Variants in NHLH2 observed in about 807,000 individuals in gnomAD.
The protein encoded by NHLH2 is nescient helix-loop-helix 2.
In NHLH2, 7 loss-of-function variants were observed where a neutral mutation model predicts 7.3. The observed-to-expected ratio is 0.96, with a 90% CI of 0.55 to 1.81. The LOEUF (loss-of-function observed/expected upper bound fraction) is 1.81, where lower values mean the gene tolerates loss of function less well. Ranked by LOEUF, NHLH2 falls within the 40% of genes most tolerant of loss-of-function variation. The pLI is 0.00. For missense variants in NHLH2, 155 were observed against 194.0 expected (o/e 0.80, Z 1.19); for synonymous variants, 93 against 91.6 (o/e 1.01, Z -0.09).
chr1:115,837,689 T>C lies in NHLH2; in HGVS notation c.*276A>G, dbSNP rs977897334. 1 of 452,632 alleles carries C rather than the reference T, an allele frequency of 2.2e-6. No individual in the cohort carries two copies. Among genetic ancestry groups the C allele is most frequent in the Non-Finnish European group, 3.9e-6 (1 of 256,818 alleles). The allele number at this position is 452,632 out of a possible 1,614,324, so 28.0% of individuals were successfully genotyped here. ...ACCCTTGGGGAGCCCCAGAAGTGGC[T>C]CATCTCGGGTGTCTCCACGAGGTTC... is the stretch of plus-strand genomic sequence containing the variant. On this transcript the variant is annotated 3_prime_UTR_variant, in exon 3 of 3. Coordinates refer to ENST00000320238, the MANE Select transcript of NHLH2 (RefSeq NM_005599.3).
downstream of NHLH2, among the ~76,000 whole-genome samples, chr1:115,831,718 C>T (rs1650756734): frequency 6.6e-6 from 1 of 151,842 alleles, no homozygotes; most frequent in African/African-American, 2.4e-5. Flanking sequence ...GTCAGGAGTT[C>T]AAGACCAGCC....
At chr1:115,835,961 G>A (rs1245278165), downstream of NHLH2, among the ~76,000 whole-genome samples, 5 of 152,114 alleles carry the variant, frequency 3.3e-5, no homozygotes, top group Non-Finnish European at 7.4e-5. Flanking sequence ...AGGATTGAGA[G>A]TCATCACATC....
At chr1:115,838,521 C>G in intron 2 of NHLH2, 141 bp from the exon 3 acceptor site, 2 of 904,744 alleles carry the variant, frequency 2.2e-6, no homozygotes, top group Admixed American at 2.7e-5. Context: ...GCGCGCGACG[C>G]GGGAGGGCGC....
At chr1:115,834,779 T>C (rs909881809), downstream of NHLH2, among the ~76,000 whole-genome samples, 20 of 152,338 alleles carry the variant, frequency 1.3e-4, no homozygotes, top group South Asian at 1.2e-3. Flanking sequence ...TTTTCTCCAG[T>C]AGACTTTGTC....
chr1:115,838,456 C>A (rs1650949181), intron 2 of NHLH2, 76 bp from the exon 3 acceptor site: 1 of 1,498,822 alleles, frequency 6.7e-7, no homozygotes, highest in East Asian at 2.5e-5. Context: ...CGAGGCCTAC[C>A]ACGCCGGTCC....
chr1:115,840,654 C>T (rs1016677765), intron 1 of NHLH2, 110 bp from the exon 2 acceptor site: 1 of 166,678 alleles, frequency 6.0e-6, no homozygotes, highest in Admixed American at 6.5e-5. Flanking sequence ...AGATAAGATT[C>T]CGCTCCTATC....
Position 115,837,176 on chromosome 1 carries a change from A to G in NHLH2, c.*789T>C, listed in dbSNP as rs1650895055. On this transcript the variant is annotated 3_prime_UTR_variant, in exon 3 of 3. Transcript: ENST00000320238. ...AGGTTGTCTTTTTCTAACTGCACCT[A>G]TGGGTCCACATGTTTAAGGTCACAA... is the stretch of plus-strand genomic sequence containing the variant. The G allele has an allele frequency of 6.6e-6, 1 of 152,610 alleles. No homozygotes were observed. The highest frequency in any genetic ancestry group is 1.5e-5 in the Non-Finnish European group (1 of 68,038). 9.5% of individuals were successfully genotyped at this position (152,610 alleles called of 1,614,324 possible).
rs1230872861 is a variant in NHLH2 at position 115,838,207 on chromosome 1, G to A, written c.166C>T (p.Leu56Phe). 1 of 1,560,048 alleles carries A rather than the reference G, an allele frequency of 6.4e-7. No homozygotes were observed. Among genetic ancestry groups the A allele is most frequent in the Non-Finnish European group, 8.7e-7 (1 of 1,154,684 alleles). The change falls in exon 3 of 3, where the codon CTC (leucine) becomes TTC (phenylalanine). Residue 56 changes from leucine (L) to phenylalanine (F), a missense_variant. This residue lies in a region of NHLH2 where 91 missense variants were observed against 86.6 expected (regional missense o/e 1.05). Coordinates refer to ENST00000320238, the MANE Select transcript of NHLH2 (RefSeq NM_005599.3). ...CTCAGCTGCTGCGGGTGCGGGTAGA[G>A]CGCGGCTCGGCTGCCGCCCTTGCCG... ...GDGKGGSRAA[L>F]YPHPQQLSRE...
chr1:115,832,618 T>C (rs944326172), downstream of NHLH2, among the ~76,000 whole-genome samples: 1 of 152,206 alleles, frequency 6.6e-6, no homozygotes, highest in East Asian at 1.9e-4. Flanking sequence ...TATAGTAACA[T>C]GTTCAATGTC....
downstream of NHLH2, among the ~76,000 whole-genome samples, chr1:115,831,924 CAA>C (rs34137281): frequency 0.014 from 1,862 of 137,186 alleles, 22 homozygotes; most frequent in Middle Eastern, 0.031. Flanking sequence ...GACTTGGTCT[CAA>C]AAAAAAAAAA....
chr1:115,838,782 C>G, intron 2 of NHLH2: 1 of 195,820 alleles, frequency 5.1e-6, no homozygotes. Flanking sequence ...CCCGGACAAA[C>G]GAGCGATTTC....
At chr1:115,839,793 A>C (rs1053157994) in intron 2 of NHLH2, 4 of 167,024 alleles carry the variant, frequency 2.4e-5, no homozygotes, top group African/African-American at 9.6e-5. Context: ...GGTTCCCAGC[A>C]CCGCACTTGC....
downstream of NHLH2, among the ~76,000 whole-genome samples, chr1:115,834,668 C>T (rs946614615): frequency 6.6e-6 from 1 of 152,150 alleles, no homozygotes; most frequent in Admixed American, 6.5e-5. Flanking sequence ...ACCAGCACGT[C>T]CAGCCCCCAT....
At chr1:115,834,037 G>A (rs988542385), downstream of NHLH2, among the ~76,000 whole-genome samples, 4 of 152,150 alleles carry the variant, frequency 2.6e-5, no homozygotes, top group South Asian at 2.1e-4. Context: ...TGTGGGAAGC[G>A]GGTATTCCCT....
chr1:115,838,320 T>G lies in NHLH2; in HGVS notation c.53A>C (p.His18Pro), dbSNP rs779061081. 6 of 1,609,390 alleles carry G rather than the reference T, an allele frequency of 3.7e-6. No homozygotes were observed. In the Admixed American group the frequency reaches 8.3e-5, roughly 22 times the overall value. The change falls in exon 3 of 3, where the codon CAC (histidine) becomes CCC (proline). Residue 18 changes from histidine (H) to proline (P), a missense_variant. Transcript: ENST00000320238. ...GCCGCCCAGGGACTCCGGATCCGAG[T>G]GCGCCGAGCTGGGATGGTCCGAATC... ...AADSDHPSSA[H>P]SDPESLGGTD...
In NHLH2 at chr1:115,837,846, C is replaced by T; in HGVS notation, c.*119G>A. 8.9e-7 allele frequency: 1 copy of T among 1,120,760 alleles called. No individual in the cohort carries two copies. Among genetic ancestry groups the T allele is most frequent in the East Asian group, 3.0e-5 (1 of 33,496 alleles). The allele number at this position is 1,120,760 out of a possible 1,614,324, so 69.4% of individuals were successfully genotyped here. A position where few individuals can be genotyped will look rare whatever the true frequency, so the allele number is the denominator to read the frequency against. The stretch of plus-strand genomic sequence containing the variant: ...TAGCGAGCTTCTTCCCCGGCCGTCT[C>T]TCGAGGCGGCCGTCTCGCTGGGCCA... On this transcript the variant is annotated 3_prime_UTR_variant, in exon 3 of 3. Transcript: ENST00000320238.
Position 115,838,323 on chromosome 1 carries a change from G to T in NHLH2, c.50C>A (p.Ala17Glu). The T allele has an allele frequency of 6.2e-7, 1 of 1,609,526 alleles. No homozygotes were observed. Among genetic ancestry groups the T allele is most frequent in the Non-Finnish European group, 8.5e-7 (1 of 1,179,378 alleles). The change falls in exon 3 of 3, where the codon GCG (alanine) becomes GAG (glutamate). Residue 17 changes from alanine to glutamate, a missense_variant. This residue lies in a region of NHLH2 where 91 missense variants were observed against 86.6 expected (regional missense o/e 1.05). Transcript: ENST00000320238. ...QAADSDHPSS[A>E]HSDPESLGGT... ...GCCCAGGGACTCCGGATCCGAGTGC[G>T]CCGAGCTGGGATGGTCCGAATCTGC...
chr1:115,838,939 TG>T (rs1650970101), intron 2 of NHLH2: 3 of 167,186 alleles, frequency 1.8e-5, no homozygotes, highest in African/African-American at 7.2e-5. Context: ...CGCCTGGCTC[TG>T]GGGTGCGGCC....
At chr1:115,839,567 G>C (rs575321675) in intron 2 of NHLH2, 1 of 166,974 alleles carries the variant, frequency 6.0e-6, no homozygotes, top group Non-Finnish European at 1.5e-5. Flanking sequence ...CTGGGCTTCC[G>C]GGTAATTCGG....
Sources: allele counts gnomAD v4.1 joint callset (sites outside exome capture counted in the v4.1 genomes callset), GRCh38; gene constraint gnomAD v4.1.1; regional missense constraint gnomAD v4.1.1; transcripts MANE v1.5; gene names NCBI Gene and HGNC (gene_info 2026-07-23, HGNC 2026-07-21).